Variants in PACSIN2 observed in about 807,000 individuals in gnomAD.
The protein encoded by PACSIN2 is protein kinase C and casein kinase substrate in neurons 2, also known as protein kinase C and casein kinase substrate in neurons protein 2.
In PACSIN2, 25 loss-of-function variants were observed where a neutral mutation model predicts 63.8. That is an observed-to-expected ratio of 0.39 (90% CI 0.29 to 0.55). The LOEUF is 0.55. Ranked by LOEUF, PACSIN2 falls within the 20% of genes least tolerant of loss-of-function variation. PACSIN2 has a pLI of 0.62. For synonymous variants in PACSIN2, 255 were observed against 256.2 expected (o/e 1.00, Z 0.05); for missense variants, 518 against 646.9 (o/e 0.80, Z 2.16).
intron 1 of PACSIN2, among the ~76,000 whole-genome samples, chr22:42,998,185 T>C (rs1402190334): frequency 4.6e-5 from 7 of 152,300 alleles, no homozygotes; most frequent in East Asian, 1.9e-4. Context: ...CAGAAAGTCT[T>C]TGGTACCATG....
At chr22:42,952,945 C>G (rs1011653122) in intron 1 of PACSIN2, among the ~76,000 whole-genome samples, 11 of 151,966 alleles carry the variant, frequency 7.2e-5, no homozygotes, top group Admixed American at 5.9e-4. Context: ...GGATTACAGG[C>G]GTGAACCACC....
chr22:42,918,202 T>C (rs1931938323), intron 1 of PACSIN2, among the ~76,000 whole-genome samples: 1 of 152,214 alleles, frequency 6.6e-6, no homozygotes, highest in Admixed American at 6.5e-5. Context: ...AGAATAGCCA[T>C]GCTCAACCTC....
chr22:42,982,888 A>AAAC (rs1555943703), intron 1 of PACSIN2, among the ~76,000 whole-genome samples: 4,135 of 101,364 alleles, frequency 0.041, 24 homozygotes, highest in Non-Finnish European at 0.064. Flanking sequence ...AAAAAAAAAA[A>AAAC]AACAACAACA....
chr22:42,970,325 T>C (rs139593982), intron 1 of PACSIN2, among the ~76,000 whole-genome samples: 12 of 152,308 alleles, frequency 7.9e-5, no homozygotes, highest in Non-Finnish European at 1.2e-4. Flanking sequence ...CCCAAATTCA[T>C]CCACCAATCT....
intron 10 of PACSIN2, among the ~76,000 whole-genome samples, chr22:42,874,715 C>A (rs1420691856): frequency 1.3e-5 from 2 of 152,204 alleles, no homozygotes; most frequent in Non-Finnish European, 2.9e-5. Context: ...GTGGTCCTGG[C>A]CAACAGCTTC....
chr22:42,879,280 G>T, intron 7 of PACSIN2, 111 bp from the exon 8 acceptor site: 1 of 1,177,980 alleles, frequency 8.5e-7, no homozygotes. Flanking sequence ...TGCATCTGAT[G>T]TGTAGACTCA....
In PACSIN2 at chr22:42,884,453, G is replaced by A. The variant is rs369727314; in HGVS notation, c.718C>T (p.Arg240Cys). The A allele has an allele frequency of 1.2e-5, 20 of 1,614,082 alleles. No homozygotes were observed. Among genetic ancestry groups the A allele is most frequent in the African/African-American group, 4.0e-5 (3 of 74,942 alleles). The part of the protein sequence containing the change: ...FEQCQQFEEK[R>C]LRFFREVLLE... ...AGAACCTCCCGGAAGAAGCGAAGGC[G>A]TTTCTCCTCGAACTGCTGGCACTGC... The change falls in exon 6 of 11, where the codon CGC becomes TGC. Residue 240 changes from arginine to cysteine, a missense_variant. Physicochemically the swap from Arg to Cys is radical, Grantham distance 180 (BLOSUM62 -3). Around this residue, in one of 2 missense-constraint regions of PACSIN2, gnomAD observed 507 missense variants for 612.3 expected, o/e 0.83. Coordinates refer to ENST00000263246, the MANE Select transcript of PACSIN2 (RefSeq NM_001184970.3).
chr22:43,001,526 G>C (rs1448320088), intron 1 of PACSIN2, among the ~76,000 whole-genome samples: 2 of 152,250 alleles, frequency 1.3e-5, no homozygotes, highest in Non-Finnish European at 2.9e-5. Flanking sequence ...CAGGAAGCTG[G>C]GCAGCGCCTG....
In PACSIN2 at chr22:42,967,746, G is replaced by T. The variant is rs569751599; in HGVS notation, c.-78+47275C>A. ...TACTAAAAATACAAAAAATTAGCCG[G>T]GCGTGGGGGTGGGCGCCTGTAGTCC... On this transcript the variant is annotated intron_variant, in intron 1 of 10. Coordinates refer to ENST00000263246, the MANE Select transcript of PACSIN2 (RefSeq NM_001184970.3). Among the ~76,000 whole-genome samples the T allele has an allele frequency of 5.3e-4, 81 of 152,220 alleles. 1 individual carries two copies. Among genetic ancestry groups the T allele is most frequent in the African/African-American group, 1.8e-3 (74 of 41,534 alleles).
chr22:43,005,216 C>A (rs1032767030), intron 1 of PACSIN2, among the ~76,000 whole-genome samples: 3 of 152,188 alleles, frequency 2.0e-5, no homozygotes, highest in African/African-American at 7.2e-5. Context: ...GTCCTATTTC[C>A]CATCACCTAG....
intron 1 of PACSIN2, among the ~76,000 whole-genome samples, chr22:42,970,143 C>A (rs1335473731): frequency 6.6e-6 from 1 of 152,138 alleles, no homozygotes; most frequent in African/African-American, 2.4e-5. Context: ...AGGGTCCTGG[C>A]CTGAAGGGAT....
Position 42,888,667 on chromosome 22 carries a change from T to G in PACSIN2, c.585A>C (p.Glu195Asp). The G allele has an allele frequency of 6.2e-7, 1 of 1,614,238 alleles. No homozygotes were observed. The highest frequency in any genetic ancestry group is 1.1e-5 in the South Asian group (1 of 91,088). Residue 195 changes from glutamate to aspartate, a missense_variant, in exon 5 of 11, where the codon GAA becomes GAC. This residue lies in a region of PACSIN2 where 507 missense variants were observed against 612.3 expected (regional missense o/e 0.83). Coordinates refer to ENST00000263246, the MANE Select transcript of PACSIN2 (RefSeq NM_001184970.3). Reference sequence around the variant, plus strand: ...CCTTAAGAACATCTTGCTTGCACTTTTCTATTTTGTCTTGCAATTTCTTGA... The same window carrying G: ...CCTTAAGAACATCTTGCTTGCACTTGTCTATTTTGTCTTGCAATTTCTTGA... ...EQLKKLQDKI[E>D]KCKQDVLKTK...
chr22:42,902,822 C>T (rs1392426063), intron 2 of PACSIN2, among the ~76,000 whole-genome samples: 2 of 152,202 alleles, frequency 1.3e-5, no homozygotes, highest in Non-Finnish European at 2.9e-5. Context: ...CCATGTTGGC[C>T]AGGCTGGTCT....
At chr22:42,937,517 C>G (rs868173426) in intron 1 of PACSIN2, among the ~76,000 whole-genome samples, 1 of 152,320 alleles carries the variant, frequency 6.6e-6, no homozygotes, top group South Asian at 2.1e-4. Context: ...GAGCCCCTGC[C>G]TAGATGTCCC....
At chr22:42,886,088 C>G (rs1349507514) in intron 5 of PACSIN2, among the ~76,000 whole-genome samples, 1 of 152,156 alleles carries the variant, frequency 6.6e-6, no homozygotes, top group Non-Finnish European at 1.5e-5. Context: ...CGGGAGCTCT[C>G]AGGGTACTCA....
intron 1 of PACSIN2, among the ~76,000 whole-genome samples, chr22:42,981,909 C>T (rs1275655549): frequency 4.1e-4 from 34 of 82,008 alleles, no homozygotes; most frequent in South Asian, 5.5e-4. Context: ...CCGCCCCGTC[C>T]GGGAGGTGAG....
chr22:42,961,927 C>T (rs577229616), intron 1 of PACSIN2, among the ~76,000 whole-genome samples: 26 of 152,262 alleles, frequency 1.7e-4, no homozygotes, highest in Non-Finnish European at 3.2e-4. Flanking sequence ...ACCAAAAAAG[C>T]AGAGAAGTCA....
chr22:42,893,321 C>T (rs1930045901), intron 3 of PACSIN2, 136 bp downstream of exon 3: 1 of 882,378 alleles, frequency 1.1e-6, no homozygotes, highest in Non-Finnish European at 1.8e-6. Flanking sequence ...ACACCCCGCT[C>T]TGGAACTGGG....
At chr22:42,977,566 T>A (rs984706550) in intron 1 of PACSIN2, among the ~76,000 whole-genome samples, 3 of 152,136 alleles carry the variant, frequency 2.0e-5, no homozygotes, top group Admixed American at 2.0e-4. Flanking sequence ...CAATACAACA[T>A]CTAGCACTGG....
Sources: allele counts gnomAD v4.1 joint callset (sites outside exome capture counted in the v4.1 genomes callset), GRCh38; gene constraint gnomAD v4.1.1; regional missense constraint gnomAD v4.1.1; transcripts MANE v1.5; gene names NCBI Gene and HGNC (gene_info 2026-07-23, HGNC 2026-07-21).